CFAP95: variants seen among roughly 807,000 people sequenced by gnomAD.
CFAP95 encodes the protein cilia- and flagella-associated protein 95.
At chr9:69,864,343 G>A in the CFAP95 span, among the ~76,000 whole-genome samples, 11 of 152,182 alleles carry the variant, frequency 7.2e-5, no homozygotes, top group African/African-American at 2.6e-4. Context: ...GTGTGTGTGT[G>A]TGGGTGTTTG....
the CFAP95 span, among the ~76,000 whole-genome samples, chr9:69,847,114 G>A: frequency 1.3e-5 from 2 of 152,150 alleles, no homozygotes; most frequent in African/African-American, 4.8e-5. Flanking sequence ...TGCGGGGCAG[G>A]GACAGTAGTG....
chr9:69,836,496 C>A, the CFAP95 span, among the ~76,000 whole-genome samples: 2 of 152,096 alleles, frequency 1.3e-5, no homozygotes, highest in Admixed American at 6.5e-5. Flanking sequence ...GTGGATGCCA[C>A]AAATTGATCC....
At chr9:69,856,923 T>TTG in the CFAP95 span, among the ~76,000 whole-genome samples, 4 of 149,772 alleles carry the variant, frequency 2.7e-5, no homozygotes, top group African/African-American at 1.0e-4. Flanking sequence ...TATATGTGTT[T>TTG]TTTTTTTTTT....
At chr9:69,860,245 T>A in the CFAP95 span, among the ~76,000 whole-genome samples, 3 of 152,168 alleles carry the variant, frequency 2.0e-5, no homozygotes, top group Non-Finnish European at 2.9e-5. Context: ...GGCATCATCA[T>A]CTGCTTGGCT....
chr9:69,826,267 A>C, the CFAP95 span, among the ~76,000 whole-genome samples: 2 of 152,206 alleles, frequency 1.3e-5, no homozygotes, highest in Non-Finnish European at 2.9e-5. Context: ...GTTCCAAGAC[A>C]CTAGGATATC....
At chr9:69,843,506 C>T in the CFAP95 span, among the ~76,000 whole-genome samples, 23 of 1,952 alleles carry the variant, frequency 0.012, 1 homozygote, top group Admixed American at 0.021. Context: ...CTCCTCCCCC[C>T]CTCCTCCTCC....
chr9:69,885,033 A>T, the CFAP95 span: 1 of 152,174 alleles, frequency 6.6e-6, no homozygotes, highest in Non-Finnish European at 1.5e-5. Context: ...GGAACCAAGT[A>T]TTCGCATTTC....
chr9:69,851,553 TC>T, the CFAP95 span, among the ~76,000 whole-genome samples: 2 of 152,124 alleles, frequency 1.3e-5, no homozygotes, highest in Non-Finnish European at 2.9e-5. Context: ...GCTTTTCCTT[TC>T]CCCCAGACAA....
At chr9:69,840,990 G>A in the CFAP95 span, among the ~76,000 whole-genome samples, 62 of 151,610 alleles carry the variant, frequency 4.1e-4, no homozygotes, top group Non-Finnish European at 7.1e-4. Flanking sequence ...TGCATCTTTT[G>A]TAAGAATCTA....
At chr9:69,851,935 G>T in the CFAP95 span, among the ~76,000 whole-genome samples, 3 of 151,612 alleles carry the variant, frequency 2.0e-5, no homozygotes, top group Non-Finnish European at 4.4e-5. Flanking sequence ...TGAAGAGGTA[G>T]TTGTGGAAAA....
the CFAP95 span, chr9:69,858,202 T>C: frequency 3.9e-6 from 2 of 513,134 alleles, no homozygotes; most frequent in East Asian, 6.9e-5. Context: ...CCTGTATTTG[T>C]AAATTTTTCT....
chr9:69,823,864 G>A, the CFAP95 span, among the ~76,000 whole-genome samples: 5 of 152,192 alleles, frequency 3.3e-5, no homozygotes, highest in African/African-American at 1.2e-4. Context: ...GCCAGGATGA[G>A]CCAGGAGAAG....
At chr9:69,858,945 A>C in the CFAP95 span, among the ~76,000 whole-genome samples, 1 of 152,194 alleles carries the variant, frequency 6.6e-6, no homozygotes, top group Non-Finnish European at 1.5e-5. Flanking sequence ...GTGATGTGGA[A>C]ATACACTTAT....
chr9:69,834,733 C>T, the CFAP95 span, among the ~76,000 whole-genome samples: 1 of 152,184 alleles, frequency 6.6e-6, no homozygotes, highest in African/African-American at 2.4e-5. Context: ...TATCTGTCTC[C>T]ATCAAATGGT....
the CFAP95 span, chr9:69,902,343 A>G: frequency 2.2e-6 from 1 of 454,928 alleles, no homozygotes; most frequent in Non-Finnish European, 4.4e-6. Flanking sequence ...GGAGAACTCT[A>G]TAATCTCCCA....
At chr9:69,872,273 C>T in the CFAP95 span, among the ~76,000 whole-genome samples, 1 of 152,314 alleles carries the variant, frequency 6.6e-6, no homozygotes, top group East Asian at 1.9e-4. Flanking sequence ...CTTTCACACA[C>T]ATTATCCGTT....
the CFAP95 span, among the ~76,000 whole-genome samples, chr9:69,828,669 C>A: frequency 6.6e-6 from 1 of 152,060 alleles, no homozygotes; most frequent in African/African-American, 2.4e-5. Flanking sequence ...GGTGACAGAG[C>A]TGGGTGACAG....
At chr9:69,904,010 C>T in the CFAP95 span, among the ~76,000 whole-genome samples, 3 of 152,310 alleles carry the variant, frequency 2.0e-5, no homozygotes, top group East Asian at 5.8e-4. Context: ...AGGAGTGAGC[C>T]TCTGTGCCCG....
chr9:69,877,669 G>A, the CFAP95 span, among the ~76,000 whole-genome samples: 5 of 152,126 alleles, frequency 3.3e-5, no homozygotes, highest in Non-Finnish European at 5.9e-5. Flanking sequence ...CTTGCCTATT[G>A]TTATAATTTG....
Sources: gnomAD v4.1 joint callset for allele counts (sites outside exome capture counted in the v4.1 genomes callset) on GRCh38, gnomAD v4.1.1 for gene constraint, MANE v1.5 for transcripts, NCBI Gene and HGNC (gene_info 2026-07-23, HGNC 2026-07-21) for gene names.